The following FBRS variants were observed in gnomAD, a reference collection of about 807,000 sequenced individuals.
FBRS encodes the protein probable fibrosin-1.
Under a neutral mutation model 86.1 loss-of-function variants are expected in FBRS, and 15 were observed. That is an observed-to-expected ratio of 0.17 (90% confidence interval 0.12 to 0.27). The LOEUF (loss-of-function observed/expected upper bound fraction) is 0.27, where lower values mean the gene tolerates loss of function less well. FBRS is among the 10% of genes least tolerant of loss of function. The pLI is 1.00. For synonymous variants in FBRS, 666 were observed against 575.8 expected, an observed-to-expected ratio of 1.16 and a Z score of -2.24; for missense variants, 1,367 against 1,301.6, an observed-to-expected ratio of 1.05 and a Z score of -0.77.
At position 30,663,728 on chromosome 16, in the gene FBRS, C is replaced by T. The variant is rs180702778; in HGVS notation, c.1056-487C>T. On this transcript the variant is annotated intron_variant, in intron 6 of 17. Coordinates refer to ENST00000356166, the MANE Select transcript of FBRS (RefSeq NM_001105079.3). ...TATTGATGCTCTATTTTGTCACCGTCATTGTCATTGTTATTATTGAGAAAA... is the reference window on the plus strand; with the variant it reads ...TATTGATGCTCTATTTTGTCACCGTTATTGTCATTGTTATTATTGAGAAAA... Among the ~76,000 whole-genome samples the T allele has an allele frequency of 1.4e-3, 216 of 152,252 alleles. 1 individual carries two copies. Among genetic ancestry groups the T allele is most frequent in the Non-Finnish European group, 1.0e-4 (7 of 68,034 alleles).
chr16:30,667,741 C>T, intron 15 of FBRS, 119 bp downstream of exon 15: 1 of 901,300 alleles, frequency 1.1e-6, no homozygotes, highest in Non-Finnish European at 1.6e-6. Flanking sequence ...GCTTAGTGAC[C>T]TTGGGCAGGT....
At chr16:30,660,108 A>T in intron 1 of FBRS, 131 bp downstream of exon 1, 1 of 1,438,944 alleles carries the variant, frequency 6.9e-7, no homozygotes, top group Non-Finnish European at 9.1e-7. Flanking sequence ...TCCTCTGGCC[A>T]GGCCTCTGCC....
At chr16:30,661,080 A>T in intron 2 of FBRS, 100 bp from the exon 3 acceptor site, 1 of 1,524,302 alleles carries the variant, frequency 6.6e-7, no homozygotes, top group Middle Eastern at 2.3e-4. Context: ...AGAGGCTGAG[A>T]GTAGATCCTG....
Position 30,661,067 on chromosome 16 carries a change from A to G in FBRS, c.640-113A>G, listed in dbSNP as rs560112224. Reference sequence around the variant, plus strand: ...GGCAGTGGCGGGAGAAGCAGCTGGAAGGAGAGGCTGAGAGTAGATCCTGGA... The same window carrying G: ...GGCAGTGGCGGGAGAAGCAGCTGGAGGGAGAGGCTGAGAGTAGATCCTGGA... On this transcript the variant is annotated intron_variant, in intron 2 of 17. Coordinates refer to ENST00000356166, the MANE Select transcript of FBRS (RefSeq NM_001105079.3). The G allele has an allele frequency of 1.8e-5, 27 of 1,489,558 alleles. No homozygotes were observed. In the East Asian group the frequency reaches 6.4e-4, roughly 35 times the overall value. 92.3% of individuals were successfully genotyped at this position (1,489,558 alleles called of 1,614,324 possible).
rs1254405896 is a variant in FBRS at position 30,659,894 on chromosome 16, G to C, written c.376G>C (p.Glu126Gln). Reference sequence around the variant, plus strand: ...CGCAGACGACGGCGAAGCCGAGGAGGAGCCTGAGGAGGAGGAAGAGGAGGA... The same window carrying C: ...CGCAGACGACGGCGAAGCCGAGGAGCAGCCTGAGGAGGAGGAAGAGGAGGA... ...GGADDGEAEE[E>Q]PEEEEEEEED... Residue 126 changes from glutamate to glutamine, a missense_variant, in exon 1 of 18, where the codon GAG becomes CAG. Glu to Gln is a conservative substitution (Grantham distance 29, BLOSUM62 2). Transcript: ENST00000356166. 6.5e-7 allele frequency: 1 copy of C among 1,550,184 alleles called. No individual in the cohort carries two copies. The highest frequency in any genetic ancestry group is 8.7e-7 in the Non-Finnish European group (1 of 1,147,578).
intron 12 of FBRS, 132 bp from the exon 13 acceptor site, chr16:30,666,787 C>A: frequency 2.6e-6 from 3 of 1,156,846 alleles, no homozygotes; most frequent in South Asian, 1.3e-5. Context: ...TGAACCTAGT[C>A]ATCCCTTGGT....
chr16:30,661,241 C>T (rs1229088157), intron 3 of FBRS, 26 bp downstream of exon 3: 1 of 1,550,834 alleles, frequency 6.4e-7, no homozygotes, highest in Admixed American at 2.0e-5. Flanking sequence ...CTGTCCTGGC[C>T]CCTCCCTGCT....
chr16:30,661,069 G>A, intron 2 of FBRS, 111 bp from the exon 3 acceptor site: 1 of 1,490,578 alleles, frequency 6.7e-7, no homozygotes, highest in Non-Finnish European at 9.1e-7. Flanking sequence ...CAGCTGGAAG[G>A]AGAGGCTGAG....
rs1228721888 is a variant in FBRS at position 30,664,844 on chromosome 16, A to G, written c.1487A>G (p.Gln496Arg). 1 of 1,587,316 alleles carries G rather than the reference A, an allele frequency of 6.3e-7. No homozygotes were observed. Among genetic ancestry groups the G allele is most frequent in the Non-Finnish European group, 8.6e-7 (1 of 1,166,786 alleles). Residue 496 changes from glutamine (Q) to arginine (R), a missense_variant, in exon 8 of 18, where the codon CAG (glutamine) becomes CGG (arginine). Physicochemically the swap from Gln to Arg is conservative, Grantham distance 43. Around this residue, in one of 3 missense-constraint regions of FBRS, gnomAD observed 6 missense variants for 24.1 expected, o/e 0.25. Transcript: ENST00000356166. ...TTCCACCAGCACAACCACCAGCACC[A>G]GCACACCCACCAGCACACCCACCAG... ...FQFHQHNHQH[Q>R]HTHQHTHQHF...
At chr16:30,663,322 G>C (rs1331119031) in intron 6 of FBRS, among the ~76,000 whole-genome samples, 1 of 152,160 alleles carries the variant, frequency 6.6e-6, no homozygotes, top group Admixed American at 6.5e-5. Flanking sequence ...GCTGTTGTGA[G>C]GATTAACTAC....
chr16:30,659,820 G>A lies in FBRS; in HGVS notation c.302G>A (p.Gly101Asp). 2 of 1,520,352 alleles carry A rather than the reference G, an allele frequency of 1.3e-6. No individual in the cohort carries two copies. The highest frequency in any genetic ancestry group is 2.5e-5 in the East Asian group (1 of 40,136). The allele number at this position is 1,520,352 out of a possible 1,614,324, so 94.2% of individuals were successfully genotyped here. Residue 101 changes from glycine (G) to aspartate (D), a missense_variant, in exon 1 of 18, where the codon GGC becomes GAC. Physicochemically the swap from Gly to Asp is moderately conservative, Grantham distance 94. This residue lies in a region of FBRS where 702 missense variants were observed against 598.7 expected (regional missense o/e 1.17). Coordinates refer to ENST00000356166, the MANE Select transcript of FBRS (RefSeq NM_001105079.3). ...CCCCGAGCTCGGAAGCGGCCTGCCGGCTCGGGCAGCCGCGGGGAGGAAGAG... is the reference window on the plus strand; with the variant it reads ...CCCCGAGCTCGGAAGCGGCCTGCCGACTCGGGCAGCCGCGGGGAGGAAGAG... ...PRPRARKRPA[G>D]SGSRGEEEEE...
intron 15 of FBRS, chr16:30,668,291 G>C (rs1164477965): frequency 2.2e-6 from 1 of 454,680 alleles, no homozygotes; most frequent in Non-Finnish European, 4.0e-6. Context: ...ATGACCACCA[G>C]CAAGTCATTT....
intron 2 of FBRS, chr16:30,660,659 T>C: frequency 1.3e-6 from 1 of 743,380 alleles, no homozygotes; most frequent in East Asian, 3.3e-5. Flanking sequence ...ACTTCAAACG[T>C]TTTGATAATT....
chr16:30,670,513 C>T lies in FBRS; in HGVS notation c.*868C>T. On this transcript the variant is annotated 3_prime_UTR_variant, in exon 18 of 18. Transcript: ENST00000356166. The stretch of plus-strand genomic sequence containing the variant: ...CCCCCAGGACTCCTGGGCCCTGCTT[C>T]CCTGAACCCTGTTCTCCAAAACCCT... The T allele has an allele frequency of 3.4e-6, 1 of 292,682 alleles. No individual in the cohort carries two copies. The highest frequency in any genetic ancestry group is 2.9e-5 in the South Asian group (1 of 34,558). The allele number at this position is 292,682 out of a possible 1,614,324, so 18.1% of individuals were successfully genotyped here. A position where few individuals can be genotyped will look rare whatever the true frequency, so the allele number is the denominator to read the frequency against.
Position 30,668,790 on chromosome 16 carries a change from C to T in FBRS, c.2177C>T (p.Ala726Val). 1 of 1,600,222 alleles carries T rather than the reference C, an allele frequency of 6.2e-7. No individual in the cohort carries two copies. Among genetic ancestry groups the T allele is most frequent in the Non-Finnish European group, 8.5e-7 (1 of 1,178,544 alleles). The part of the protein sequence containing the change: ...SPTFNSGAVF[A>V]QKESPGAPPA... ...TGCCCAGACTCCGGCGCCGTCTTTG[C>T]CCAGAAAGAAAGCCCAGGGGCCCCA... is the stretch of plus-strand genomic sequence containing the variant. The change falls in exon 17 of 18, where the codon GCC becomes GTC. Residue 726 changes from alanine (A) to valine (V), a missense_variant. Transcript: ENST00000356166.
chr16:30,663,992 G>A (rs922733654), intron 6 of FBRS, among the ~76,000 whole-genome samples: 1 of 152,300 alleles, frequency 6.6e-6, no homozygotes, highest in East Asian at 1.9e-4. Flanking sequence ...AGAGGCAGCT[G>A]CGTGGATGCA....
intron 2 of FBRS, 72 bp from the exon 3 acceptor site, chr16:30,661,108 T>G (rs1167808030): frequency 6.5e-7 from 1 of 1,548,212 alleles, no homozygotes; most frequent in Non-Finnish European, 8.7e-7. Flanking sequence ...ATGAGCGCCC[T>G]GCTGGGAGCT....
rs984341655 is a variant in FBRS at position 30,664,476 on chromosome 16, G to T, written c.1317G>T (p.Val439=). 45 of 1,405,508 alleles carry T rather than the reference G, an allele frequency of 3.2e-5. No homozygotes were observed. The highest frequency in any genetic ancestry group is 4.1e-5 in the Non-Finnish European group (44 of 1,080,120). 87.1% of individuals were successfully genotyped at this position (1,405,508 alleles called of 1,614,324 possible). Residue 439 remains valine (V), a synonymous_variant, in exon 7 of 18, where the codon GTG becomes GTT. Transcript: ENST00000356166. ...CCCCACCCCCACCCCTGCTGCAGGTGCCAGGGCACCCTGGGGCCTCAGCCG... is the reference window on the plus strand; with the variant it reads ...CCCCACCCCCACCCCTGCTGCAGGTTCCAGGGCACCCTGGGGCCTCAGCCG... The part of the protein sequence containing the change: ...TLPPPPPLLQ[V]PGHPGASAAN...
At chr16:30,660,020 G>A (rs1394671722) in intron 1 of FBRS, 43 bp downstream of exon 1, 5 of 1,538,916 alleles carry the variant, frequency 3.2e-6, no homozygotes, top group East Asian at 2.5e-5. Flanking sequence ...GTTTCCGAGG[G>A]GCAGCAAGGA....
Sources: allele counts gnomAD v4.1 joint callset (sites outside exome capture counted in the v4.1 genomes callset), GRCh38; gene constraint gnomAD v4.1.1; regional missense constraint gnomAD v4.1.1; transcripts MANE v1.5; gene names NCBI Gene and HGNC (gene_info 2026-07-23, HGNC 2026-07-21).